Variants in CDC14A observed in about 807,000 individuals in gnomAD.
CDC14A encodes the protein dual specificity protein phosphatase CDC14A.
A neutral mutation model predicts 74.4 loss-of-function variants in CDC14A; 53 were observed. The observed-to-expected ratio is 0.71, with a 90% CI of 0.57 to 0.89. The LOEUF (loss-of-function observed/expected upper bound fraction) is 0.89. CDC14A is among the 40% of genes least tolerant of loss of function. CDC14A has a pLI of 0.00. For missense variants in CDC14A, 646 were observed against 713.7 expected, an observed-to-expected ratio of 0.91 and a Z score of 1.08; for synonymous variants, 247 against 258.4, an observed-to-expected ratio of 0.96 and a Z score of 0.43.
chr1:100,426,383 G>A (rs1405480579), intron 5 of CDC14A, among the ~76,000 whole-genome samples: 2 of 152,246 alleles, frequency 1.3e-5, no homozygotes, highest in Non-Finnish European at 2.9e-5. Context: ...AAAGTGCTGG[G>A]ATAAAGGTGT....
chr1:100,385,478 A>G (rs968625579), intron 3 of CDC14A, among the ~76,000 whole-genome samples: 1 of 152,250 alleles, frequency 6.6e-6, no homozygotes, highest in Non-Finnish European at 1.5e-5. Context: ...AGTTAGATTT[A>G]GTTATTTCTG....
chr1:100,431,255 A>T (rs1300478236), intron 5 of CDC14A, among the ~76,000 whole-genome samples: 1 of 151,928 alleles, frequency 6.6e-6, no homozygotes, highest in Non-Finnish European at 1.5e-5. Context: ...TGGAACAAGA[A>T]GGTGCTTTGG....
intron 15 of CDC14A, among the ~76,000 whole-genome samples, chr1:100,503,888 T>G (rs1648999397): frequency 6.6e-6 from 1 of 152,230 alleles, no homozygotes; most frequent in East Asian, 1.9e-4. Context: ...TTTATGACAC[T>G]TAATCACTGG....
At chr1:100,438,206 A>C (rs1664556951) in intron 5 of CDC14A, among the ~76,000 whole-genome samples, 1 of 152,152 alleles carries the variant, frequency 6.6e-6, no homozygotes. Context: ...TATATAATAT[A>C]TTAATTTGAA....
intron 10 of CDC14A, among the ~76,000 whole-genome samples, chr1:100,475,847 A>G (rs146920434): frequency 6.6e-6 from 1 of 152,234 alleles, no homozygotes; most frequent in Non-Finnish European, 1.5e-5. Context: ...TCCAGGTTCC[A>G]CCATTACTAC....
intron 4 of CDC14A, 81 bp downstream of exon 4, chr1:100,390,905 T>A: frequency 1.0e-6 from 1 of 972,838 alleles, no homozygotes; most frequent in Non-Finnish European, 1.6e-6. Context: ...AAACCAGTTT[T>A]TCAGTGGGAT....
In CDC14A at chr1:100,468,056, A is replaced by G; in HGVS notation, c.939A>G (p.Pro313=). 1 of 1,613,588 alleles carries G rather than the reference A, an allele frequency of 6.2e-7. No individual in the cohort carries two copies. Among genetic ancestry groups the G allele is most frequent in the Non-Finnish European group, 8.5e-7 (1 of 1,179,808 alleles). Residue 313 remains proline, a synonymous_variant, in exon 10 of 16, where the codon CCA becomes CCG. Transcript: ENST00000336454. The part of the protein sequence containing the change: ...EIIAWIRICR[P]GSIIGPQQHF... ...TTGCTTGGATTAGAATATGCCGGCC[A>G]GGCTCTATTATAGGACCCCAGCAGC...
chr1:100,346,236 A>G (rs939901161), intron 1 of CDC14A, among the ~76,000 whole-genome samples: 1 of 152,156 alleles, frequency 6.6e-6, no homozygotes, highest in African/African-American at 2.4e-5. Context: ...GCTCACTAAT[A>G]TTTCTCAGCA....
At chr1:100,357,712 C>T (rs1014698613) in intron 2 of CDC14A, among the ~76,000 whole-genome samples, 6 of 148,740 alleles carry the variant, frequency 4.0e-5, no homozygotes, top group Non-Finnish European at 7.4e-5. Context: ...AGCCAGCCTG[C>T]CAGCCTGAGC....
At chr1:100,460,772 AC>A (rs1163450487) in intron 8 of CDC14A, among the ~76,000 whole-genome samples, 1 of 152,228 alleles carries the variant, frequency 6.6e-6, no homozygotes, top group East Asian at 1.9e-4. Context: ...CTCAAAAGCA[AC>A]ATAGCCTGTG....
intron 10 of CDC14A, among the ~76,000 whole-genome samples, chr1:100,474,868 G>A (rs1668737565): frequency 6.6e-6 from 1 of 151,112 alleles, no homozygotes; most frequent in Non-Finnish European, 1.5e-5. Context: ...CAGTATTTTG[G>A]CAATGTGTCT....
rs181274562 is a variant in CDC14A at position 100,432,719 on chromosome 1, A to G, written c.390-7213A>G. On this transcript the variant is annotated intron_variant, in intron 5 of 15. Coordinates refer to ENST00000336454, the MANE Select transcript of CDC14A (RefSeq NM_003672.4). ...TTGGATGAGCAAAATACACTACTAA[A>G]ATTTACTTTTTTCTTGTTAGTTTAT... 3.9e-3 allele frequency among the ~76,000 whole-genome samples: 601 copies of G among 152,282 alleles called. 6 individuals are homozygous for G. Among genetic ancestry groups the G allele is most frequent in the African/African-American group, 0.014 (570 of 41,546 alleles).
At chr1:100,456,507 T>A (rs1666708605) in intron 8 of CDC14A, among the ~76,000 whole-genome samples, 1 of 151,150 alleles carries the variant, frequency 6.6e-6, no homozygotes, top group Admixed American at 6.6e-5. Context: ...AAACCTCTGG[T>A]CTAGATTTAT....
intron 7 of CDC14A, among the ~76,000 whole-genome samples, chr1:100,445,801 T>G (rs544655214): frequency 6.6e-6 from 1 of 152,192 alleles, no homozygotes; most frequent in African/African-American, 2.4e-5. Context: ...AGGGGAGCAG[T>G]CAGTTTTGGT....
At chr1:100,348,206 C>T (rs754062556), upstream of CDC14A, among the ~76,000 whole-genome samples, 4 of 149,434 alleles carry the variant, frequency 2.7e-5, no homozygotes, top group African/African-American at 4.9e-5. Context: ...TGCTTGAACC[C>T]GGGAGGCAGA....
chr1:100,424,081 G>A, intron 4 of CDC14A, 141 bp from the exon 5 acceptor site: 1 of 645,578 alleles, frequency 1.5e-6, no homozygotes. Flanking sequence ...GGAAATGTTG[G>A]CAAGTTGTTG....
At chr1:100,455,948 T>C (rs1162721277) in intron 8 of CDC14A, among the ~76,000 whole-genome samples, 1 of 152,228 alleles carries the variant, frequency 6.6e-6, no homozygotes, top group African/African-American at 2.4e-5. Context: ...ACAGCATTTA[T>C]CTCTTTTAAC....
intron 10 of CDC14A, among the ~76,000 whole-genome samples, chr1:100,473,897 T>C (rs1423576154): frequency 6.6e-6 from 1 of 152,102 alleles, no homozygotes; most frequent in Non-Finnish European, 1.5e-5. Context: ...TGAGTAAGAG[T>C]GATAAGAGCA....
chr1:100,485,479 G>T, intron 11 of CDC14A: 2 of 215,380 alleles, frequency 9.3e-6, no homozygotes, highest in Non-Finnish European at 1.6e-5. Context: ...GTGGGAGGAT[G>T]TTTGAGCCCA....
Sources: gnomAD v4.1 joint callset for allele counts (sites outside exome capture counted in the v4.1 genomes callset) on GRCh38, gnomAD v4.1.1 for gene constraint, MANE v1.5 for transcripts, NCBI Gene and HGNC (gene_info 2026-07-23, HGNC 2026-07-21) for gene names.